SAMD12: variants seen among roughly 807,000 people sequenced by gnomAD.
SAMD12 encodes sterile alpha motif domain containing 12.
SAMD12 carries 9 observed loss-of-function variants against 15.0 expected under a neutral mutation model. That is an observed-to-expected ratio of 0.60 (90% CI 0.36 to 1.05). The LOEUF (loss-of-function observed/expected upper bound fraction) is 1.05, where lower values mean the gene tolerates loss of function less well. Ranked by LOEUF, SAMD12 falls within the 50% of genes least tolerant of loss-of-function variation. The pLI is 0.01. For synonymous variants in SAMD12, 86 were observed against 90.1 expected (o/e 0.96, Z 0.25); for missense variants, 230 against 234.2 (o/e 0.98, Z 0.12).
intron 2 of SAMD12, among the ~76,000 whole-genome samples, chr8:118,527,606 T>C (rs747165281): frequency 6.6e-5 from 10 of 152,232 alleles, no homozygotes; most frequent in Non-Finnish European, 1.5e-4. Flanking sequence ...ATAATAGTGA[T>C]AGCAGCTATC....
At chr8:118,269,366 G>C (rs984952741) in intron 4 of SAMD12, among the ~76,000 whole-genome samples, 2 of 151,508 alleles carry the variant, frequency 1.3e-5, no homozygotes, top group Non-Finnish European at 2.9e-5. Context: ...CTTTAAGCAG[G>C]CATTTTATCA....
chr8:118,552,102 G>A (rs1168625959), intron 2 of SAMD12, among the ~76,000 whole-genome samples: 1 of 152,076 alleles, frequency 6.6e-6, no homozygotes, highest in Non-Finnish European at 1.5e-5. Flanking sequence ...AGAGGTACGA[G>A]GAGGAACTGG....
chr8:118,416,677 C>A (rs903434272), intron 3 of SAMD12, among the ~76,000 whole-genome samples: 1 of 152,188 alleles, frequency 6.6e-6, no homozygotes, highest in African/African-American at 2.4e-5. Context: ...CACAATGGAA[C>A]CCAAGTATAA....
At chr8:118,321,144 A>ATATATATATATATATAT (rs1816242362) in intron 4 of SAMD12, among the ~76,000 whole-genome samples, 1 of 94,508 alleles carries the variant, frequency 1.1e-5, no homozygotes, top group Non-Finnish European at 2.0e-5. Context: ...ATAGATAATA[A>ATATATATATATATATAT]ATATATATAT....
intron 3 of SAMD12, among the ~76,000 whole-genome samples, chr8:118,402,083 C>T (rs1344758117): frequency 6.6e-6 from 1 of 151,996 alleles, no homozygotes; most frequent in Non-Finnish European, 1.5e-5. Context: ...TCTAAACAAT[C>T]CACTGCATTT....
At chr8:118,165,729 G>T in the SAMD12 span, among the ~76,000 whole-genome samples, 1 of 150,804 alleles carries the variant, frequency 6.6e-6, no homozygotes, top group Non-Finnish European at 1.5e-5. Flanking sequence ...CTTTTCTCAT[G>T]CTTTTAAATT....
chr8:118,182,717 A>G, the SAMD12 span, among the ~76,000 whole-genome samples: 1 of 152,224 alleles, frequency 6.6e-6, no homozygotes, highest in Non-Finnish European at 1.5e-5. Flanking sequence ...ATCTCACCCC[A>G]GTATAAGTCA....
rs193026279 is a variant in SAMD12, at chr8:118,268,651, C to T, written c.434-70919G>A. Among the ~76,000 whole-genome samples, 10 of 152,088 alleles carry T rather than the reference C, an allele frequency of 6.6e-5. No homozygotes were observed. The East Asian group carries it at 1.6e-3, about 24-fold the overall frequency. On this transcript the variant is annotated intron_variant, in intron 4 of 4. Transcript: ENST00000409003. ...CCAACATGGTGAAACCCCATCTCTA[C>T]TAAAAATACAAAATTAGCCAGGCGT... is the stretch of plus-strand genomic sequence containing the variant.
chr8:118,486,293 G>A (rs1305579520), intron 2 of SAMD12, among the ~76,000 whole-genome samples: 2 of 151,782 alleles, frequency 1.3e-5, no homozygotes, highest in South Asian at 2.1e-4. Flanking sequence ...GTGGGCGCCT[G>A]TAGTCCCAGC....
intron 3 of SAMD12, among the ~76,000 whole-genome samples, chr8:118,383,159 G>C (rs1819761841): frequency 6.6e-6 from 1 of 152,042 alleles, no homozygotes; most frequent in Non-Finnish European, 1.5e-5. Flanking sequence ...AAATTCAATT[G>C]TTAGTTCAAC....
At chr8:118,304,647 A>G (rs952431114) in intron 4 of SAMD12, among the ~76,000 whole-genome samples, 34 of 151,720 alleles carry the variant, frequency 2.2e-4, no homozygotes, top group African/African-American at 8.2e-4. Flanking sequence ...GTAGTCCCAG[A>G]TACTCGGGAG....
At chr8:118,546,863 A>T (rs552797882) in intron 2 of SAMD12, among the ~76,000 whole-genome samples, 1 of 152,338 alleles carries the variant, frequency 6.6e-6, no homozygotes, top group South Asian at 2.1e-4. Context: ...AGAAGGCCAC[A>T]TCAGTTTGCT....
chr8:118,542,874 T>C (rs918113470), intron 2 of SAMD12, among the ~76,000 whole-genome samples: 5 of 152,190 alleles, frequency 3.3e-5, no homozygotes, highest in Non-Finnish European at 4.4e-5. Context: ...ACTACCATCT[T>C]ACATGCAAGG....
chr8:118,233,765 G>A lies in SAMD12; in HGVS notation c.434-36033C>T, dbSNP rs116142324. Among the ~76,000 whole-genome samples the A allele has an allele frequency of 6.0e-3, 921 of 152,310 alleles. 10 individuals carry two copies. Among genetic ancestry groups the A allele is most frequent in the African/African-American group, 0.021 (869 of 41,568 alleles). Reference sequence around the variant, plus strand: ...ATGAACTCCTCACTCCCAGTCTGGAGAACAGGAAAGGCCCACATAGCACTT... The same window carrying A: ...ATGAACTCCTCACTCCCAGTCTGGAAAACAGGAAAGGCCCACATAGCACTT... On this transcript the variant is annotated intron_variant, in intron 4 of 4. Transcript: ENST00000409003.
intron 2 of SAMD12, among the ~76,000 whole-genome samples, chr8:118,555,290 T>C (rs1318365832): frequency 6.6e-6 from 1 of 152,224 alleles, no homozygotes; most frequent in African/African-American, 2.4e-5. Flanking sequence ...CCGTTCTTTG[T>C]TTTCTTTAAA....
intron 4 of SAMD12, among the ~76,000 whole-genome samples, chr8:118,316,627 A>G (rs922033324): frequency 4.6e-5 from 7 of 152,096 alleles, no homozygotes; most frequent in African/African-American, 1.7e-4. Context: ...TGGAACAATT[A>G]GAACTCCCTT....
intron 4 of SAMD12, among the ~76,000 whole-genome samples, chr8:118,249,017 C>T (rs1169840594): frequency 6.6e-6 from 1 of 152,090 alleles, no homozygotes. Context: ...TGTGAATGCT[C>T]AAGTTCCTGA....
chr8:118,470,288 A>G (rs1467018273), intron 2 of SAMD12, among the ~76,000 whole-genome samples: 1 of 149,910 alleles, frequency 6.7e-6, no homozygotes, highest in African/African-American at 2.5e-5. Context: ...TTCATGTATT[A>G]CTTAGGTAAT....
intron 1 of SAMD12, among the ~76,000 whole-genome samples, chr8:118,607,114 T>C (rs1338093508): frequency 6.6e-6 from 1 of 152,160 alleles, no homozygotes; most frequent in Admixed American, 6.5e-5. Flanking sequence ...ATTCCTACCC[T>C]ACCTGGAATT....
Sources: allele counts gnomAD v4.1 joint callset (sites outside exome capture counted in the v4.1 genomes callset), GRCh38; gene constraint gnomAD v4.1.1; transcripts MANE v1.5; gene names NCBI Gene and HGNC (gene_info 2026-07-23, HGNC 2026-07-21).